The following CFAP299 variants were observed in gnomAD, a reference collection of about 807,000 sequenced individuals.
The protein encoded by CFAP299 is cilia- and flagella-associated protein 299.
In CFAP299, 21 loss-of-function variants were observed where a neutral mutation model predicts 27.0. The ratio of observed to expected loss-of-function variants is 0.78; its 90% confidence interval spans 0.55 to 1.12. The LOEUF (loss-of-function observed/expected upper bound fraction) is 1.12, where lower values mean the gene tolerates loss of function less well. Among genes scored for constraint, CFAP299 ranks in the 50% most tolerant of loss-of-function variants. The pLI, the probability that CFAP299 is intolerant of heterozygous loss-of-function variation, is 0.00. For missense variants in CFAP299, 310 were observed against 276.6 expected, an observed-to-expected ratio of 1.12 and a Z score of -0.86; for synonymous variants, 104 against 98.1, an observed-to-expected ratio of 1.06 and a Z score of -0.36.
At chr4:80,715,123 T>G (rs1013709748) in intron 3 of CFAP299, among the ~76,000 whole-genome samples, 2 of 152,058 alleles carry the variant, frequency 1.3e-5, no homozygotes, top group African/African-American at 4.8e-5. Flanking sequence ...TTCTCAAAAG[T>G]TATTAGACTT....
rs1187314742 is a variant in CFAP299, at chr4:80,646,988, AGT to A, written c.333+63834_333+63835del. Among the ~76,000 whole-genome samples the A allele has an allele frequency of 3.0e-3, 93 of 31,100 alleles. No homozygotes were observed. In the East Asian group the frequency reaches 0.052, roughly 17 times the overall value. 20.4% of individuals were successfully genotyped at this position (31,100 alleles called of 152,430 possible). A position where few individuals can be genotyped will look rare whatever the true frequency, so the allele number is the denominator to read the frequency against. On this transcript the variant is annotated intron_variant, in intron 3 of 5. Transcript: ENST00000358105. ...TTCTTTGAGAGAGAGAGAGAGAGAG[AGT>A]GTGTGTGTGTGTGTGTGTGTGTGTG...
At chr4:80,886,001 G>C (rs1029031562) in intron 4 of CFAP299, among the ~76,000 whole-genome samples, 7 of 152,144 alleles carry the variant, frequency 4.6e-5, no homozygotes, top group Non-Finnish European at 1.0e-4. Flanking sequence ...CCCAGGCCTG[G>C]TAACATTCAC....
chr4:80,731,730 A>G (rs1723533231), intron 3 of CFAP299, among the ~76,000 whole-genome samples: 1 of 152,164 alleles, frequency 6.6e-6, no homozygotes, highest in Non-Finnish European at 1.5e-5. Context: ...TCATTGGCCT[A>G]AAACTATGGA....
chr4:80,792,278 G>A (rs956599006), intron 3 of CFAP299, among the ~76,000 whole-genome samples: 3 of 152,070 alleles, frequency 2.0e-5, no homozygotes, highest in Non-Finnish European at 4.4e-5. Flanking sequence ...GCAGGGGTCA[G>A]GCAGACTTTT....
intron 3 of CFAP299, among the ~76,000 whole-genome samples, chr4:80,792,976 G>C (rs991902818): frequency 6.6e-6 from 1 of 151,864 alleles, no homozygotes; most frequent in Non-Finnish European, 1.5e-5. Context: ...GTGCAACAAT[G>C]GAAACAATGA....
chr4:80,895,717 T>C (rs998492257), intron 4 of CFAP299, among the ~76,000 whole-genome samples: 2 of 152,016 alleles, frequency 1.3e-5, no homozygotes, highest in South Asian at 2.1e-4. Flanking sequence ...GAGCAGCCCA[T>C]TCATCTAAAG....
intron 3 of CFAP299, among the ~76,000 whole-genome samples, chr4:80,846,453 A>T (rs1440077395): frequency 6.6e-6 from 1 of 152,156 alleles, no homozygotes; most frequent in Non-Finnish European, 1.5e-5. Context: ...TCCTTGAATG[A>T]GTCCCTCTAA....
intron 4 of CFAP299, among the ~76,000 whole-genome samples, chr4:80,933,165 C>CTTTCTTT (rs754498674): frequency 6.7e-6 from 1 of 149,212 alleles, no homozygotes; most frequent in African/African-American, 2.5e-5. Flanking sequence ...TCTTTCCTTT[C>CTTTCTTT]CTTTCTTTCT....
chr4:80,459,062 C>A (rs181952589), intron 2 of CFAP299, among the ~76,000 whole-genome samples: 1 of 152,064 alleles, frequency 6.6e-6, no homozygotes, highest in Non-Finnish European at 1.5e-5. Context: ...CTCACTGCAA[C>A]CTCAAACTCT....
chr4:80,692,078 A>AC (rs1720747284), intron 3 of CFAP299, among the ~76,000 whole-genome samples: 12 of 152,260 alleles, frequency 7.9e-5, no homozygotes, highest in Admixed American at 7.9e-4. Flanking sequence ...TTCTATGCTC[A>AC]TAGGTAGGAA....
intron 4 of CFAP299, among the ~76,000 whole-genome samples, chr4:80,891,532 G>T (rs1251952459): frequency 1.5e-5 from 2 of 131,306 alleles, no homozygotes; most frequent in South Asian, 2.6e-4. Flanking sequence ...ACCAAACACC[G>T]CATATTCTCA....
At position 80,390,890 on chromosome 4, in the gene CFAP299, T is replaced by C. The variant is rs796436555; in HGVS notation, c.242+28006T>C. Reference sequence around the variant, plus strand: ...GCGCACATATATGTATATATGTATATACACACATATGCATATATGTATATA... The same window carrying C: ...GCGCACATATATGTATATATGTATACACACACATATGCATATATGTATATA... On this transcript the variant is annotated intron_variant, in intron 2 of 5. Coordinates refer to ENST00000358105, the MANE Select transcript of CFAP299 (RefSeq NM_152770.3). Among the ~76,000 whole-genome samples the C allele has an allele frequency of 5.7e-4, 37 of 64,852 alleles. 3 individuals are homozygous for C. The highest frequency in any genetic ancestry group is 4.3e-3 in the Admixed American group (18 of 4,224). The allele number at this position is 64,852 out of a possible 152,430, so 42.5% of individuals were successfully genotyped here. A position where few individuals can be genotyped will look rare whatever the true frequency, so the allele number is the denominator to read the frequency against.
Position 80,838,544 on chromosome 4 carries a change from G to T in CFAP299, c.334-31449G>T, listed in dbSNP as rs1193572166. Among the ~76,000 whole-genome samples the T allele has an allele frequency of 2.0e-5, 3 of 152,038 alleles. No homozygotes were observed. In the East Asian group the frequency reaches 5.8e-4, roughly 29 times the overall value. The stretch of plus-strand genomic sequence containing the variant: ...TCCTTTCCCCCATTGCTTGCTTTTT[G>T]TCAGGTTTGTCAAAGATTAGATGGT... On this transcript the variant is annotated intron_variant, in intron 3 of 5. Transcript: ENST00000358105.
chr4:80,765,728 G>A (rs1235718672), intron 3 of CFAP299, among the ~76,000 whole-genome samples: 5 of 151,568 alleles, frequency 3.3e-5, no homozygotes, highest in South Asian at 2.1e-4. Flanking sequence ...TTTCTAAAAC[G>A]AAATAAAAAT....
chr4:80,799,774 GAT>G (rs1448746429), intron 3 of CFAP299, among the ~76,000 whole-genome samples: 24 of 29,124 alleles, frequency 8.2e-4, no homozygotes, highest in African/African-American at 2.5e-3. Context: ...TATATTATAT[GAT>G]ATATATATTA....
At chr4:80,504,213 G>A (rs1464611353) in intron 2 of CFAP299, among the ~76,000 whole-genome samples, 2 of 151,560 alleles carry the variant, frequency 1.3e-5, no homozygotes, top group African/African-American at 4.9e-5. Context: ...GAAGTTGGTG[G>A]TAGAGAGAGC....
At chr4:80,634,247 G>A (rs1265442164) in intron 3 of CFAP299, among the ~76,000 whole-genome samples, 2 of 152,054 alleles carry the variant, frequency 1.3e-5, no homozygotes, top group Non-Finnish European at 2.9e-5. Flanking sequence ...CTCCCAAAGT[G>A]CTGGGATTAC....
chr4:80,799,905 A>AAT lies in CFAP299; in HGVS notation c.334-70084_334-70083dup, dbSNP rs1256330675. ...ATATAATATATAAATTATATATTAT[A>AAT]ATATAATATATAATATATATATTTA... On this transcript the variant is annotated intron_variant, in intron 3 of 5. Coordinates refer to ENST00000358105, the MANE Select transcript of CFAP299 (RefSeq NM_152770.3). Among the ~76,000 whole-genome samples, 305 of 41,150 alleles carry AAT rather than the reference A, an allele frequency of 7.4e-3. 9 individuals carry two copies. Among genetic ancestry groups the AAT allele is most frequent in the African/African-American group, 0.031 (286 of 9,292 alleles). The allele number at this position is 41,150 out of a possible 152,430, so 27.0% of individuals were successfully genotyped here. A position where few individuals can be genotyped will look rare whatever the true frequency, so the allele number is the denominator to read the frequency against.
intron 3 of CFAP299, among the ~76,000 whole-genome samples, chr4:80,867,374 C>CAT (rs1049141160): frequency 2.2e-4 from 34 of 152,148 alleles, no homozygotes; most frequent in Admixed American, 5.9e-4. Flanking sequence ...ATATATGATA[C>CAT]ATATATATAT....
Sources: allele counts gnomAD v4.1 joint callset (sites outside exome capture counted in the v4.1 genomes callset), GRCh38; gene constraint gnomAD v4.1.1; transcripts MANE v1.5; gene names NCBI Gene and HGNC (gene_info 2026-07-23, HGNC 2026-07-21).